Variants in ZMYM2 observed in about 807,000 individuals in gnomAD.
ZMYM2 encodes the protein zinc finger MYM-type containing 2.
A neutral mutation model predicts 162.8 loss-of-function variants in ZMYM2; 56 were observed. The observed-to-expected ratio is 0.34, with a 90% confidence interval of 0.28 to 0.43. ZMYM2 has a LOEUF of 0.43. Ranked by LOEUF, ZMYM2 falls within the 20% of genes least tolerant of loss-of-function variation. ZMYM2 has a pLI of 1.00. For synonymous variants in ZMYM2, 510 were observed against 541.6 expected (o/e 0.94, Z 0.81); for missense variants, 1,275 against 1,621.8 (o/e 0.79, Z 3.67).
At position 20,081,670 on chromosome 13, in the gene ZMYM2, CTT is replaced by C. The variant is rs1030630516; in HGVS notation, c.3454-343_3454-342del. 7.9e-5 allele frequency among the ~76,000 whole-genome samples: 12 copies of C among 151,970 alleles called. No individual in the cohort carries two copies. The South Asian group carries it at 8.3e-4, about 11-fold the overall frequency. On this transcript the variant is annotated intron_variant, in intron 21 of 24. Coordinates refer to ENST00000610343, the MANE Select transcript of ZMYM2 (RefSeq NM_197968.4). ...AAAAAAAACTAAAAAGAAAAAAACA[CTT>C]TTATTTTAAAATTTACATTTTTCTT...
chr13:20,067,710 A>G (rs1242344690), intron 21 of ZMYM2, among the ~76,000 whole-genome samples: 1 of 152,202 alleles, frequency 6.6e-6, no homozygotes, highest in Non-Finnish European at 1.5e-5. Context: ...TGTGTTTCTA[A>G]CTTGTTAAAT....
intron 10 of ZMYM2, among the ~76,000 whole-genome samples, chr13:20,031,822 A>G (rs1953170831): frequency 6.6e-6 from 1 of 150,574 alleles, no homozygotes. Context: ...TGTATCAGTC[A>G]TATACCACAT....
At chr13:19,988,255 C>G (rs1477842794) in intron 2 of ZMYM2, among the ~76,000 whole-genome samples, 1 of 152,106 alleles carries the variant, frequency 6.6e-6, no homozygotes, top group African/African-American at 2.4e-5. Flanking sequence ...AGTGGTAGAA[C>G]AGTGCTCTTC....
At chr13:19,960,413 A>G (rs759301495) in intron 2 of ZMYM2, among the ~76,000 whole-genome samples, 1 of 152,236 alleles carries the variant, frequency 6.6e-6, no homozygotes, top group Non-Finnish European at 1.5e-5. Flanking sequence ...TTTCTTCCTT[A>G]AACAATGGCT....
intron 1 of ZMYM2, among the ~76,000 whole-genome samples, chr13:19,959,301 A>T (rs1954904673): frequency 6.6e-6 from 1 of 151,896 alleles, no homozygotes. Context: ...CTCTCGGGGC[A>T]GCGCTCCCAC....
intron 21 of ZMYM2, among the ~76,000 whole-genome samples, chr13:20,079,326 AAAAAAAAAAAAAAAAAAG>A (rs1343478535): frequency 5.0e-5 from 7 of 140,038 alleles, no homozygotes; most frequent in Non-Finnish European, 9.3e-5. Flanking sequence ...CAAAAAAAAA[AAAAAAAAAAAAAAAAAAG>A]GATACTTAAT....
the ZMYM2 span, among the ~76,000 whole-genome samples, chr13:19,914,178 G>C: frequency 3.9e-5 from 6 of 152,210 alleles, no homozygotes; most frequent in African/African-American, 1.4e-4. Context: ...CTGGGGAAGA[G>C]GCATGTGAAT....
rs575460715 is a variant in ZMYM2 at position 20,007,765 on chromosome 13, C to T, written c.1512+1179C>T. 8.6e-5 allele frequency among the ~76,000 whole-genome samples: 13 copies of T among 151,868 alleles called. No individual in the cohort carries two copies. The Middle Eastern group carries it at 0.01, about 119-fold the overall frequency. Reference sequence around the variant, plus strand: ...CCTCCTGAGTAGCTGGGATTACAGGCGTGCACCACCACGCTGAGCTAATTT... The same window carrying T: ...CCTCCTGAGTAGCTGGGATTACAGGTGTGCACCACCACGCTGAGCTAATTT... On this transcript the variant is annotated intron_variant, in intron 6 of 24. Coordinates refer to ENST00000610343, the MANE Select transcript of ZMYM2 (RefSeq NM_197968.4).
Position 19,993,584 on chromosome 13 carries a change from A to G in ZMYM2, c.512A>G (p.Asn171Ser). ...AGTAAGGTAAATGCAGGAATGGGTA[A>G]TAGTGGTATCACCACAGAACCAGAC... ...SRSKVNAGMG[N>S]SGITTEPDSE... Residue 171 changes from asparagine to serine, a missense_variant, in exon 3 of 25, where the codon AAT (asparagine) becomes AGT (serine). By Grantham distance (46) the Asn-to-Ser change is conservative (BLOSUM62 1). Coordinates refer to ENST00000610343, the MANE Select transcript of ZMYM2 (RefSeq NM_197968.4). 2 of 1,614,202 alleles carry G rather than the reference A, an allele frequency of 1.2e-6. No individual in the cohort carries two copies. Among genetic ancestry groups the G allele is most frequent in the Non-Finnish European group, 8.5e-7 (1 of 1,180,016 alleles).
At chr13:19,973,670 CAA>C (rs529880853) in intron 2 of ZMYM2, among the ~76,000 whole-genome samples, 5,129 of 58,842 alleles carry the variant, frequency 0.087, 121 homozygotes, top group Non-Finnish European at 0.12. Context: ...AACTCCATCT[CAA>C]AAAAAAAAAA....
At chr13:20,052,344 G>T in intron 14 of ZMYM2, 33 bp downstream of exon 14, 2 of 1,549,976 alleles carry the variant, frequency 1.3e-6, no homozygotes, top group Non-Finnish European at 1.7e-6. Context: ...GCTGAATTGT[G>T]ATTTTTGTAA....
intron 9 of ZMYM2, among the ~76,000 whole-genome samples, chr13:20,027,651 G>C (rs1952706764): frequency 1.3e-5 from 2 of 152,104 alleles, no homozygotes; most frequent in Admixed American, 1.3e-4. Context: ...CAAACGGATA[G>C]AGGACCTAGA....
chr13:19,964,520 C>T (rs967309731), intron 2 of ZMYM2, among the ~76,000 whole-genome samples: 1 of 152,238 alleles, frequency 6.6e-6, no homozygotes, highest in African/African-American at 2.4e-5. Flanking sequence ...CCACCTTGGC[C>T]TCCCAAAGTG....
chr13:19,936,692 A>G, the ZMYM2 span, among the ~76,000 whole-genome samples: 1 of 152,150 alleles, frequency 6.6e-6, no homozygotes, highest in African/African-American at 2.4e-5. Flanking sequence ...ACTGCACTCC[A>G]GCCTGGGCAA....
In ZMYM2 at chr13:20,082,128, A is replaced by G. The variant is rs1481661559; in HGVS notation, c.3566A>G (p.Asp1189Gly). ...AGCTGGCAACCAAGCATACTTCCAGATGGTAATGCTATTTTCACTAAAGGT... is the reference window on the plus strand; with the variant it reads ...AGCTGGCAACCAAGCATACTTCCAGGTGGTAATGCTATTTTCACTAAAGGT... ...LRSWQPSILP[D>G]GSIFSRVEED... Residue 1189 changes from aspartate to glycine, a missense_variant and splice_region_variant, in exon 22 of 25, where the codon GAT (aspartate) becomes GGT (glycine). Coordinates refer to ENST00000610343, the MANE Select transcript of ZMYM2 (RefSeq NM_197968.4). 1 of 1,594,084 alleles carries G rather than the reference A, an allele frequency of 6.3e-7. No homozygotes were observed. Among genetic ancestry groups the G allele is most frequent in the East Asian group, 2.3e-5 (1 of 44,312 alleles).
At chr13:19,954,700 C>G (rs73426052), upstream of ZMYM2, among the ~76,000 whole-genome samples, 4,489 of 152,168 alleles carry the variant, frequency 0.03, 212 homozygotes, top group African/African-American at 0.1. Flanking sequence ...GAGAAGCATC[C>G]TACCCAGGAG....
chr13:20,027,230 A>C lies in ZMYM2; in HGVS notation c.1763A>C (p.Lys588Thr). ...QSLGIICHFC[K>T]RNSLPQYQAT... is the part of the protein sequence containing the mutation. ...TTGGGAATTATTTGCCATTTTTGTA[A>C]GCGAAACTCTTTACCTCAATACCAA... Residue 588 changes from lysine to threonine, a missense_variant, in exon 9 of 25, where the codon AAG becomes ACG. Transcript: ENST00000610343. 6.3e-7 allele frequency: 1 copy of C among 1,580,790 alleles called. No homozygotes were observed. The highest frequency in any genetic ancestry group is 8.6e-7 in the Non-Finnish European group (1 of 1,161,696).
At position 20,083,747 on chromosome 13, in the gene ZMYM2, G is replaced by A; in HGVS notation, c.3912G>A (p.Val1304=). ...ENTANPSRCP[V]KMFECYLSKS... Reference sequence around the variant, plus strand: ...CAGCCAATCCTTCCAGATGTCCTGTGAAAATGTTTGAATGCTACTTGTCTA... The same window carrying A: ...CAGCCAATCCTTCCAGATGTCCTGTAAAAATGTTTGAATGCTACTTGTCTA... The change falls in exon 24 of 25, where the codon GTG becomes GTA. Residue 1304 remains valine, a synonymous_variant. Coordinates refer to ENST00000610343, the MANE Select transcript of ZMYM2 (RefSeq NM_197968.4). 6.2e-7 allele frequency: 1 copy of A among 1,603,002 alleles called. No individual in the cohort carries two copies. The highest frequency in any genetic ancestry group is 8.5e-7 in the Non-Finnish European group (1 of 1,174,038).
intron 16 of ZMYM2, 129 bp downstream of exon 16, chr13:20,059,691 T>C (rs1397006695): frequency 9.4e-6 from 5 of 533,668 alleles, no homozygotes; most frequent in Non-Finnish European, 1.6e-5. Context: ...TGATTTTTTT[T>C]TTTCCCCAAT....
Sources: gnomAD v4.1 joint callset for allele counts (sites outside exome capture counted in the v4.1 genomes callset) on GRCh38, gnomAD v4.1.1 for gene constraint, MANE v1.5 for transcripts, NCBI Gene and HGNC (gene_info 2026-07-23, HGNC 2026-07-21) for gene names.